GON4L: variants seen among roughly 807,000 people sequenced by gnomAD.
GON4L encodes the protein GON-4-like protein.
GON4L carries 87 observed loss-of-function variants against 211.8 expected under a neutral mutation model. The ratio of observed to expected loss-of-function variants is 0.41; its 90% CI spans 0.35 to 0.49. The LOEUF (loss-of-function observed/expected upper bound fraction) is 0.49. GON4L is among the 20% of genes least tolerant of loss of function. The probability of loss-of-function intolerance (pLI) is 0.15; values close to 1 mark genes in which losing one functional copy is unlikely to be tolerated. For synonymous variants in GON4L, 875 were observed against 962.6 expected (o/e 0.91, Z 1.68); for missense variants, 2,155 against 2,659.5 (o/e 0.81, Z 4.17).
intron 2 of GON4L, among the ~76,000 whole-genome samples, chr1:155,851,221 G>A (rs1376397203): frequency 6.6e-6 from 1 of 151,750 alleles, no homozygotes; most frequent in Non-Finnish European, 1.5e-5. Flanking sequence ...GGGCATGGTG[G>A]CAGACACCTG....
chr1:155,745,287 T>C (rs185593032), downstream of GON4L, among the ~76,000 whole-genome samples: 2 of 152,132 alleles, frequency 1.3e-5, no homozygotes, highest in East Asian at 1.9e-4. Flanking sequence ...TACACAGAGA[T>C]AGATTAATAC....
chr1:155,826,857 C>T lies in GON4L; in HGVS notation c.677G>A (p.Gly226Asp), dbSNP rs1036051817. The change falls in exon 3 of 32, where the codon GGT becomes GAT. Residue 226 changes from glycine to aspartate, a missense_variant. Gly to Asp is a moderately conservative substitution (Grantham distance 94, BLOSUM62 -1). This residue lies in a region of GON4L where 313 missense variants were observed against 293.2 expected (regional missense o/e 1.07). Coordinates refer to ENST00000368331, the MANE Select transcript of GON4L (RefSeq NM_001282860.2). ...FHQPEEEIED[G>D]GLFIPMEEQD... ...CCTACCCATTGGAATGAAGAGTCCA[C>T]CATCTTCTATCTCTTCCTCAGGTTG... The T allele has an allele frequency of 3.7e-6, 6 of 1,611,188 alleles. No individual in the cohort carries two copies. Among genetic ancestry groups the T allele is most frequent in the Non-Finnish European group, 4.2e-6 (5 of 1,177,624 alleles).
chr1:155,777,933 C>T (rs751792942), intron 14 of GON4L, 113 bp from the exon 15 acceptor site: 4 of 733,916 alleles, frequency 5.5e-6, no homozygotes, highest in Non-Finnish European at 9.8e-6. Flanking sequence ...CCTACTAATC[C>T]CCCATCTCAC....
intron 2 of GON4L, among the ~76,000 whole-genome samples, chr1:155,833,360 GGAA>G (rs1358817693): frequency 2.0e-5 from 3 of 151,968 alleles, no homozygotes; most frequent in Non-Finnish European, 2.9e-5. Context: ...TGCAAAAAAA[GGAA>G]GGAAGGCCAG....
chr1:155,822,269 G>A lies in GON4L; in HGVS notation c.888+17C>T. 6.3e-7 allele frequency: 1 copy of A among 1,597,590 alleles called. No homozygotes were observed. Among genetic ancestry groups the A allele is most frequent in the Non-Finnish European group, 8.6e-7 (1 of 1,164,994 alleles). On this transcript the variant is annotated intron_variant, in intron 4 of 31. Coordinates refer to ENST00000368331, the MANE Select transcript of GON4L (RefSeq NM_001282860.2). ...AAAGTTCCCTTCCATTTACATAACT[G>A]CCCCAGTCTTACTCACATGAAGGAT...
chr1:155,851,048 A>C (rs1242518616), intron 2 of GON4L, among the ~76,000 whole-genome samples: 1 of 42,684 alleles, frequency 2.3e-5, no homozygotes, highest in African/African-American at 8.0e-5. Flanking sequence ...GCGAGACTCC[A>C]CCTCAAAAAA....
chr1:155,760,480 A>G lies in GON4L; in HGVS notation c.5073T>C (p.Ala1691=), dbSNP rs1157015773. Residue 1691 remains alanine (A), a synonymous_variant, in exon 24 of 32, where the codon GCT becomes GCC. Transcript: ENST00000368331. The stretch of plus-strand genomic sequence containing the variant: ...CCAGAGCTTGCTCAGGTAACAGGAA[A>G]GCAGCAAAGTCTTTCAACAGCTGAG... ...DWPQLLKDFA[A]FLLPEQALAC... 1 of 1,612,474 alleles carries G rather than the reference A, an allele frequency of 6.2e-7. No individual in the cohort carries two copies. The highest frequency in any genetic ancestry group is 1.7e-5 in the Admixed American group (1 of 59,974).
At chr1:155,859,248 A>T (rs554657823), upstream of GON4L, 2 of 154,056 alleles carry the variant, frequency 1.3e-5, 1 homozygote, top group South Asian at 3.6e-4. Flanking sequence ...GCTGTATTAA[A>T]GCCCAGAAAA....
intron 2 of GON4L, chr1:155,831,530 C>T (rs568335732): frequency 6.6e-6 from 1 of 152,002 alleles, no homozygotes; most frequent in East Asian, 1.9e-4. Flanking sequence ...CCCAGTGGCT[C>T]ATACCTGTAA....
At chr1:155,748,006 A>T, downstream of GON4L, 1 of 1,603,656 alleles carries the variant, frequency 6.2e-7, no homozygotes, top group Non-Finnish European at 8.5e-7. Flanking sequence ...ATCGTCTATT[A>T]AACACAGCTT....
At chr1:155,840,950 G>A (rs6675202) in intron 2 of GON4L, among the ~76,000 whole-genome samples, 3,916 of 152,224 alleles carry the variant, frequency 0.026, 169 homozygotes, top group African/African-American at 0.087. Flanking sequence ...CAGGGGAATC[G>A]CTTGAACCCG....
chr1:155,766,302 T>C lies in GON4L; in HGVS notation c.3171A>G (p.Pro1057=), dbSNP rs1449053576. ...AACTCTCACCTCCACTGACCCCCAG[T>C]GGAGGGACACCTGGAACTGTCTGTA... ...TVLQTVPGVP[P]LGVSGGESFE... is the part of the protein sequence containing the mutation. The change falls in exon 21 of 32, where the codon CCA becomes CCG. Residue 1057 remains proline (P), a synonymous_variant. Transcript: ENST00000368331. The C allele has an allele frequency of 1.2e-6, 2 of 1,613,936 alleles. No individual in the cohort carries two copies. The highest frequency in any genetic ancestry group is 3.3e-5 in the Admixed American group (2 of 59,986).
intron 21 of GON4L, among the ~76,000 whole-genome samples, chr1:155,763,954 A>G: frequency 6.6e-6 from 1 of 151,462 alleles, no homozygotes; most frequent in Non-Finnish European, 1.5e-5. Context: ...AGTGAGCTGA[A>G]ATTATGCCAC....
chr1:155,779,062 C>G (rs1664129930), intron 14 of GON4L, among the ~76,000 whole-genome samples: 1 of 151,322 alleles, frequency 6.6e-6, no homozygotes, highest in Non-Finnish European at 1.5e-5. Context: ...GTCAGGAGAT[C>G]AAGACCATGG....
At chr1:155,777,501 C>A in intron 15 of GON4L, 121 bp downstream of exon 15, 1 of 799,298 alleles carries the variant, frequency 1.3e-6, no homozygotes, top group Non-Finnish European at 2.2e-6. Context: ...AATGCTTGAG[C>A]CCAGAAAGCA....
chr1:155,851,404 A>C (rs182417600), intron 2 of GON4L, among the ~76,000 whole-genome samples: 1 of 148,634 alleles, frequency 6.7e-6, no homozygotes, highest in Non-Finnish European at 1.5e-5. Flanking sequence ...CAAATGCCTT[A>C]GTATGAAAAA....
At chr1:155,776,266 C>T in intron 16 of GON4L, 129 bp downstream of exon 16, 1 of 771,244 alleles carries the variant, frequency 1.3e-6, no homozygotes, top group Non-Finnish European at 2.3e-6. Context: ...TAACAGAAAG[C>T]AGGCAAAACA....
At chr1:155,830,719 T>C (rs533994267) in intron 2 of GON4L, among the ~76,000 whole-genome samples, 2 of 152,212 alleles carry the variant, frequency 1.3e-5, no homozygotes, top group African/African-American at 4.8e-5. Context: ...CCCAAGTAGC[T>C]GAGACTACAG....
intron 2 of GON4L, among the ~76,000 whole-genome samples, chr1:155,837,860 G>A (rs1670448986): frequency 6.6e-6 from 1 of 152,188 alleles, no homozygotes; most frequent in Non-Finnish European, 1.5e-5. Flanking sequence ...GTTTAGCCAT[G>A]TGAACAGGTT....
Sources: gnomAD v4.1 joint callset for allele counts (sites outside exome capture counted in the v4.1 genomes callset) on GRCh38, gnomAD v4.1.1 for gene constraint, gnomAD v4.1.1 regional missense constraint, MANE v1.5 for transcripts, NCBI Gene and HGNC (gene_info 2026-07-23, HGNC 2026-07-21) for gene names.